SLC8A1: variants seen among roughly 807,000 people sequenced by gnomAD.
SLC8A1 encodes the protein sodium/calcium exchanger 1.
Under a neutral mutation model 68.3 loss-of-function variants are expected in SLC8A1, and 18 were observed. The observed-to-expected ratio is 0.26, with a 90% CI of 0.18 to 0.39. The LOEUF is 0.39. Ranked by LOEUF, SLC8A1 falls within the 10% of genes least tolerant of loss-of-function variation. SLC8A1 has a pLI of 1.00. For missense variants in SLC8A1, 985 were observed against 1,156.7 expected, an observed-to-expected ratio of 0.85 and a Z score of 2.15; for synonymous variants, 475 against 415.5, an observed-to-expected ratio of 1.14 and a Z score of -1.74.
At chr2:40,457,033 C>T (rs1043939227), upstream of SLC8A1, among the ~76,000 whole-genome samples, 2 of 152,104 alleles carry the variant, frequency 1.3e-5, no homozygotes, top group East Asian at 1.9e-4. Context: ...ATTCTGTTCC[C>T]TTATGTCTGG....
chr2:40,145,576 A>C (rs2042311988), intron 6 of SLC8A1, among the ~76,000 whole-genome samples: 1 of 152,222 alleles, frequency 6.6e-6, no homozygotes, highest in East Asian at 1.9e-4. Flanking sequence ...TACAAATCAA[A>C]TTCTACTCTC....
exon 2 of SLC8A1, chr2:40,429,009 A>G: frequency 6.2e-7 from 1 of 1,613,716 alleles, no homozygotes; most frequent in Non-Finnish European, 8.5e-7. Context: ...TAAGGGCCAC[A>G]GTACCACAGT....
intron 2 of SLC8A1, chr2:40,189,642 G>A (rs1230530418): frequency 6.6e-6 from 1 of 152,138 alleles, no homozygotes; most frequent in Non-Finnish European, 1.5e-5. Flanking sequence ...AGTAATACTT[G>A]CTAATTATTG....
chr2:40,154,276 T>G (rs58161621), intron 6 of SLC8A1, among the ~76,000 whole-genome samples: 1 of 150,710 alleles, frequency 6.6e-6, no homozygotes. Context: ...TGGGCCACAA[T>G]TTTTAATTTA....
chr2:40,255,543 C>A (rs377106781), intron 2 of SLC8A1, among the ~76,000 whole-genome samples: 2 of 152,328 alleles, frequency 1.3e-5, no homozygotes, highest in African/African-American at 4.8e-5. Context: ...AACCTCAGTG[C>A]TTCAGGTTCT....
chr2:40,261,369 G>C (rs1464576956), intron 2 of SLC8A1, among the ~76,000 whole-genome samples: 2 of 152,094 alleles, frequency 1.3e-5, no homozygotes, highest in Non-Finnish European at 2.9e-5. Flanking sequence ...TGGCTAAAAG[G>C]GTTTCTCTTT....
intron 7 of SLC8A1, among the ~76,000 whole-genome samples, chr2:40,138,482 A>G (rs1474780187): frequency 1.3e-5 from 2 of 152,198 alleles, no homozygotes; most frequent in Non-Finnish European, 2.9e-5. Context: ...GAACGTGGGT[A>G]TTGTTGCTCA....
chr2:40,470,155 A>ACTC (rs1464354721), intron 1 of SLC8A1, among the ~76,000 whole-genome samples: 2 of 152,066 alleles, frequency 1.3e-5, no homozygotes, highest in African/African-American at 4.8e-5. Flanking sequence ...CCACATTTTA[A>ACTC]TGTATCTTTT....
chr2:40,232,706 C>T (rs1331767454), intron 2 of SLC8A1, among the ~76,000 whole-genome samples: 1 of 127,826 alleles, frequency 7.8e-6, no homozygotes. Context: ...CCCACTAACT[C>T]GTCATCTAGC....
intron 2 of SLC8A1, among the ~76,000 whole-genome samples, chr2:40,404,732 G>A (rs993039262): frequency 6.6e-6 from 1 of 152,212 alleles, no homozygotes; most frequent in East Asian, 1.9e-4. Flanking sequence ...CGAGTGCGTT[G>A]CTTCCTAGCT....
In SLC8A1 at chr2:40,220,947, A is replaced by T. The variant is rs376945877; in HGVS notation, c.1809-43092T>A. ...TTCATAGCCAAATTCTGCCAGAGGTACAAAGAGGAGCTGGTACCATCACTT... is the reference window on the plus strand; with the variant it reads ...TTCATAGCCAAATTCTGCCAGAGGTTCAAAGAGGAGCTGGTACCATCACTT... On this transcript the variant is annotated intron_variant, in intron 2 of 7. Coordinates refer to ENST00000406785, the Ensembl canonical transcript of SLC8A1. Among the ~76,000 whole-genome samples, 11 of 152,230 alleles carry T rather than the reference A, an allele frequency of 7.2e-5. No individual in the cohort carries two copies. The East Asian group carries it at 1.7e-3, about 24-fold the overall frequency.
intron 5 of SLC8A1, among the ~76,000 whole-genome samples, chr2:40,163,937 T>C (rs2046117251): frequency 6.6e-6 from 1 of 152,192 alleles, no homozygotes; most frequent in South Asian, 2.1e-4. Flanking sequence ...AACTTCTAAA[T>C]TGGTGGTCTG....
intron 2 of SLC8A1, among the ~76,000 whole-genome samples, chr2:40,228,468 A>C (rs1248444911): frequency 6.6e-6 from 1 of 152,212 alleles, no homozygotes; most frequent in Non-Finnish European, 1.5e-5. Flanking sequence ...GCTGTCTACG[A>C]AACAAATCTG....
chr2:40,238,427 A>T lies in SLC8A1; in HGVS notation c.1809-60572T>A, dbSNP rs379003. On this transcript the variant is annotated intron_variant, in intron 2 of 7. Transcript: ENST00000406785. The stretch of plus-strand genomic sequence containing the variant: ...GAAGGGAAACTCCCTGACCCCTTGC[A>T]CTTCCCAAGTGAGGCAATGCTCGCC... Among the ~76,000 whole-genome samples, 388 of 149,104 alleles carry T rather than the reference A, an allele frequency of 2.6e-3. 2 individuals are homozygous for T. Among genetic ancestry groups the T allele is most frequent in the African/African-American group, 9.0e-3 (363 of 40,466 alleles).
intron 2 of SLC8A1, among the ~76,000 whole-genome samples, chr2:40,334,940 TC>T (rs986946150): frequency 9.9e-5 from 15 of 152,258 alleles, no homozygotes; most frequent in South Asian, 6.2e-4. Context: ...GTCCTTGTCT[TC>T]CCCCTAACCT....
intron 7 of SLC8A1, among the ~76,000 whole-genome samples, chr2:40,133,435 C>T (rs574161225): frequency 1.3e-5 from 2 of 151,702 alleles, no homozygotes; most frequent in African/African-American, 4.9e-5. Context: ...TTTCCTTCTC[C>T]TTCAGCCTTA....
chr2:40,139,540 C>T (rs376027815), exon 7 of SLC8A1: 150 of 1,614,028 alleles, frequency 9.3e-5, no homozygotes, highest in Middle Eastern at 1.6e-4. Context: ...CAATGAAACA[C>T]GCCCAGCCAT....
chr2:40,241,693 A>G (rs2061243844), intron 2 of SLC8A1, among the ~76,000 whole-genome samples: 1 of 152,042 alleles, frequency 6.6e-6, no homozygotes, highest in Non-Finnish European at 1.5e-5. Flanking sequence ...ATCTAATCCC[A>G]ATTCAGAGCC....
intron 2 of SLC8A1, among the ~76,000 whole-genome samples, chr2:40,228,086 C>A (rs1231919352): frequency 5.3e-5 from 8 of 152,062 alleles, no homozygotes; most frequent in Non-Finnish European, 1.0e-4. Context: ...ATTAAAAAAC[C>A]ATTTGTCTTG....
Sources: gnomAD v4.1 joint callset for allele counts (sites outside exome capture counted in the v4.1 genomes callset) on GRCh38, gnomAD v4.1.1 for gene constraint, MANE v1.5 for transcripts, NCBI Gene and HGNC (gene_info 2026-07-23, HGNC 2026-07-21) for gene names.